The following RECQL5 variants were observed in gnomAD, a reference collection of about 807,000 sequenced individuals.
RECQL5 encodes ATP-dependent DNA helicase Q5.
RECQL5 carries 88 observed loss-of-function variants against 103.4 expected under a neutral mutation model. The ratio of observed to expected loss-of-function variants is 0.85; its 90% CI spans 0.72 to 1.02. The LOEUF is 1.02. Among genes scored for constraint, RECQL5 ranks in the 50% least tolerant of loss-of-function variants. RECQL5 has a pLI of 0.00. For missense variants in RECQL5, 1,232 were observed against 1,284.3 expected (o/e 0.96, Z 0.62); for synonymous variants, 552 against 507.9 (o/e 1.09, Z -1.17).
rs964714385 is a variant in RECQL5 at position 75,629,219 on chromosome 17, G to A, written c.2204C>T (p.Ser735Phe). The change falls in exon 16 of 20, where the codon TCC becomes TTC. Residue 735 changes from serine (S) to phenylalanine (F), a missense_variant. Physicochemically the swap from Ser to Phe is radical, Grantham distance 155 (BLOSUM62 -2). Coordinates refer to ENST00000317905, the MANE Select transcript of RECQL5 (RefSeq NM_004259.7). ...GPSPEKKAKS[S>F]SGGSSLAKGR... Reference sequence around the variant, plus strand: ...CTTGGCAAGGGAGCTGCCCCCAGAGGAACTTTTTGCCTTCTTCTCAGGGGA... The same window carrying A: ...CTTGGCAAGGGAGCTGCCCCCAGAGAAACTTTTTGCCTTCTTCTCAGGGGA... The A allele has an allele frequency of 1.1e-5, 17 of 1,613,112 alleles. No individual in the cohort carries two copies. Among genetic ancestry groups the A allele is most frequent in the African/African-American group, 4.0e-5 (3 of 74,944 alleles).
chr17:75,635,860 TGGGGTTGGAGTATCAGCTCTGC>T (rs2059311793), intron 8 of RECQL5: 1 of 985,284 alleles, frequency 1.0e-6, no homozygotes. Context: ...GTGAGGCGCC[TGGGGTTGGAGTATCAGCTCTGC>T]GAGGAGGAAA....
chr17:75,657,949 G>A (rs1350740336), intron 7 of RECQL5, among the ~76,000 whole-genome samples: 1 of 152,052 alleles, frequency 6.6e-6, no homozygotes, highest in Admixed American at 6.6e-5. Flanking sequence ...TCAGGAGGCT[G>A]AGGCAGAAGA....
In RECQL5 at chr17:75,629,481, A is replaced by G; in HGVS notation, c.1948-6T>C. 1 of 1,501,790 alleles carries G rather than the reference A, an allele frequency of 6.7e-7. No homozygotes were observed. Among genetic ancestry groups the G allele is most frequent in the Non-Finnish European group, 8.9e-7 (1 of 1,125,898 alleles). 93.0% of individuals were successfully genotyped at this position (1,501,790 alleles called of 1,614,324 possible). ...CCCACCCGCTTGGGTTTGAGCTGTA[A>G]ATGTGAGCAGGAGGAGAGGAGGTTC... On this transcript the variant is annotated splice_polypyrimidine_tract_variant and splice_region_variant and intron_variant, in intron 15 of 19. Transcript: ENST00000317905.
At chr17:75,642,404 G>A (rs1030681943) in intron 8 of RECQL5, among the ~76,000 whole-genome samples, 21 of 152,180 alleles carry the variant, frequency 1.4e-4, no homozygotes, top group Non-Finnish European at 2.6e-4. Flanking sequence ...CCCAGCCCCT[G>A]CCACACCCCC....
intron 18 of RECQL5, 122 bp downstream of exon 18, chr17:75,628,096 G>A: frequency 3.6e-6 from 3 of 842,824 alleles, no homozygotes; most frequent in Admixed American, 4.1e-5. Context: ...CCCCAGGGAG[G>A]ACGGGCGTGG....
At chr17:75,653,903 A>C (rs2059585509) in intron 7 of RECQL5, among the ~76,000 whole-genome samples, 1 of 150,912 alleles carries the variant, frequency 6.6e-6, no homozygotes, top group Non-Finnish European at 1.5e-5. Flanking sequence ...AAAACAAAAC[A>C]AAACAAAACA....
At chr17:75,635,262 AAG>A (rs1419849253) in intron 8 of RECQL5, among the ~76,000 whole-genome samples, 5 of 152,228 alleles carry the variant, frequency 3.3e-5, no homozygotes, top group African/African-American at 1.2e-4. Context: ...CACAGTAGGG[AAG>A]AGTCAGGCCA....
In RECQL5 at chr17:75,640,199, G is replaced by A. The variant is rs1249439548; in HGVS notation, c.1230-8531C>T. On this transcript the variant is annotated intron_variant, in intron 8 of 19. Transcript: ENST00000317905. This position sits in a 1 kb window ranked among gnomAD's most constrained non-coding sequence, Gnocchi z 4.6. ...AGGAGCCCCAACAGGAAGCCAGCGC[G>A]GCATGGCTGCCACCGACTTCGTGCA... The A allele has an allele frequency of 3.2e-5, 50 of 1,546,410 alleles. No homozygotes were observed. The highest frequency in any genetic ancestry group is 1.7e-4 in the Middle Eastern group (1 of 5,866).
chr17:75,643,056 C>A (rs1385449491), intron 8 of RECQL5, among the ~76,000 whole-genome samples: 2 of 152,258 alleles, frequency 1.3e-5, no homozygotes, highest in East Asian at 3.8e-4. Flanking sequence ...TGGGACCCAA[C>A]AGGTAAGAGC....
At chr17:75,657,997 G>A (rs1006871838) in intron 7 of RECQL5, among the ~76,000 whole-genome samples, 8 of 151,946 alleles carry the variant, frequency 5.3e-5, no homozygotes, top group South Asian at 2.1e-4. Flanking sequence ...GCAGTGAGCC[G>A]AGTTCATGCC....
rs765262518 is a variant in RECQL5, at chr17:75,630,850, G to A, written c.1586-13C>T. ...GGACAGTTCTCATCTGTGGGGGGGG[G>A]GGGTGGTCCTTGGTCCTTTCGCTCC... On this transcript the variant is annotated splice_polypyrimidine_tract_variant and intron_variant, in intron 11 of 19. Coordinates refer to ENST00000317905, the MANE Select transcript of RECQL5 (RefSeq NM_004259.7). The A allele has an allele frequency of 1.4e-6, 2 of 1,453,718 alleles. No homozygotes were observed. Among genetic ancestry groups the A allele is most frequent in the Non-Finnish European group, 1.9e-6 (2 of 1,077,924 alleles). 90.1% of individuals were successfully genotyped at this position (1,453,718 alleles called of 1,614,324 possible).
Position 75,630,839 on chromosome 17 carries a change from T to C in RECQL5, c.1586-2A>G. 9.7e-7 allele frequency: 1 copy of C among 1,028,616 alleles called. No homozygotes were observed. Among genetic ancestry groups the C allele is most frequent in the Non-Finnish European group, 1.3e-6 (1 of 796,090 alleles). The allele number at this position is 1,028,616 out of a possible 1,614,324, so 63.7% of individuals were successfully genotyped here. A position where few individuals can be genotyped will look rare whatever the true frequency, so the allele number is the denominator to read the frequency against. The stretch of plus-strand genomic sequence containing the variant: ...CCTCTTTCAGGGGACAGTTCTCATC[T>C]GTGGGGGGGGGGGGTGGTCCTTGGT... On this transcript the variant is annotated splice_acceptor_variant, in intron 11 of 19. Coordinates refer to ENST00000317905, the MANE Select transcript of RECQL5 (RefSeq NM_004259.7). LOFTEE classifies it high-confidence loss of function.
At chr17:75,648,406 C>T (rs1389086403) in intron 8 of RECQL5, among the ~76,000 whole-genome samples, 1 of 152,122 alleles carries the variant, frequency 6.6e-6, no homozygotes, top group Non-Finnish European at 1.5e-5. Context: ...CAGAGTCTTG[C>T]TCTGTCACCC....
intron 2 of RECQL5, among the ~76,000 whole-genome samples, chr17:75,665,689 C>CAA (rs1184942786): frequency 4.3e-4 from 27 of 63,312 alleles, no homozygotes; most frequent in South Asian, 2.4e-3. Flanking sequence ...GACTCTGTTT[C>CAA]AAAAAAAAAA....
Position 75,636,014 on chromosome 17 carries a change from C to A in RECQL5, c.1230-4346G>T, listed in dbSNP as rs2059315126. Among the ~76,000 whole-genome samples the A allele has an allele frequency of 2.0e-5, 3 of 152,222 alleles. No individual in the cohort carries two copies. In the South Asian group the frequency reaches 6.2e-4, roughly 31 times the overall value. On this transcript the variant is annotated intron_variant, in intron 8 of 19. Transcript: ENST00000317905. This position sits in a 1 kb window ranked among gnomAD's most constrained non-coding sequence, Gnocchi z 5.4. ...CTTCCCATCCCTCCGGCTCTGCCAGCCTTCTCTGCCCTGAGTGTTTCCCCT... is the reference window on the plus strand; with the variant it reads ...CTTCCCATCCCTCCGGCTCTGCCAGACTTCTCTGCCCTGAGTGTTTCCCCT...
rs573187968 is a variant in RECQL5 at position 75,631,358 on chromosome 17, T to C, written c.1448+92A>G. On this transcript the variant is annotated intron_variant, in intron 9 of 19. Coordinates refer to ENST00000317905, the MANE Select transcript of RECQL5 (RefSeq NM_004259.7). ...ATGTCCTACCAGCTCAAGGGGGGATTGCGGCATCGTGCCACCTCTGGTCTG... is the reference window on the plus strand; with the variant it reads ...ATGTCCTACCAGCTCAAGGGGGGATCGCGGCATCGTGCCACCTCTGGTCTG... The C allele has an allele frequency of 4.5e-5, 68 of 1,522,636 alleles. No homozygotes were observed. The African/African-American group carries it at 7.8e-4, about 17-fold the overall frequency. The allele number at this position is 1,522,636 out of a possible 1,614,324, so 94.3% of individuals were successfully genotyped here.
chr17:75,639,089 G>A (rs2059382865), intron 8 of RECQL5: 1 of 152,330 alleles, frequency 6.6e-6, no homozygotes, highest in Non-Finnish European at 1.5e-5. Context: ...CAGGGTGGAG[G>A]GCCCCGTTCG....
rs2059157872 is a variant in RECQL5, at chr17:75,629,064, C to T, written c.2359G>A (p.Ala787Thr). Reference protein sequence around the residue: ...LLASAPEAEGACPSCEGVQGP... With the variant: ...LLASAPEAEGTCPSCEGVQGP... ...TGAACCCCCTCACAGGAGGGGCAGG[C>T]ACCTTCTGCCTCTGGGGCTGATGCC... Residue 787 changes from alanine to threonine, a missense_variant, in exon 16 of 20, where the codon GCC becomes ACC. Ala to Thr is a moderately conservative substitution (Grantham distance 58). Coordinates refer to ENST00000317905, the MANE Select transcript of RECQL5 (RefSeq NM_004259.7). 9.3e-6 allele frequency: 15 copies of T among 1,609,514 alleles called. No individual in the cohort carries two copies. Among genetic ancestry groups the T allele is most frequent in the Non-Finnish European group, 1.3e-5 (15 of 1,177,680 alleles).
chr17:75,627,416 A>AGTT lies in RECQL5; in HGVS notation c.*3_*5dup. The AGTT allele has an allele frequency of 1.2e-6, 2 of 1,611,434 alleles. No homozygotes were observed. Among genetic ancestry groups the AGTT allele is most frequent in the Non-Finnish European group, 1.7e-6 (2 of 1,178,358 alleles). ...AGGACGCGGGCCCTGCCCAGCCAGC[A>AGTT]GTTGGTCATCTCTGGGGGCCACACA... is the stretch of plus-strand genomic sequence containing the variant. On this transcript the variant is annotated 3_prime_UTR_variant, in exon 20 of 20. Transcript: ENST00000317905.
Sources: allele counts gnomAD v4.1 joint callset (sites outside exome capture counted in the v4.1 genomes callset), GRCh38; gene constraint gnomAD v4.1.1; non-coding constraint Gnocchi (gnomAD v3.1); transcripts MANE v1.5; gene names NCBI Gene and HGNC (gene_info 2026-07-23, HGNC 2026-07-21).